The following TENM2 variants were observed in gnomAD, a reference collection of about 807,000 sequenced individuals.
The protein encoded by TENM2 is teneurin-2.
TENM2 carries 52 observed loss-of-function variants against 245.2 expected under a neutral mutation model. The observed-to-expected ratio is 0.21, with a 90% CI of 0.17 to 0.27. The LOEUF is 0.27. Ranked by LOEUF, TENM2 falls within the 10% of genes least tolerant of loss-of-function variation. The pLI, the probability that TENM2 is intolerant of heterozygous loss-of-function variation, is 1.00. For missense variants in TENM2, 3,046 were observed against 3,666.8 expected (o/e 0.83, Z 4.37); for synonymous variants, 1,363 against 1,438.9 (o/e 0.95, Z 1.19).
intron 17 of TENM2, among the ~76,000 whole-genome samples, chr5:168,200,527 TGACA>T (rs1761847310): frequency 6.6e-6 from 1 of 152,138 alleles, no homozygotes; most frequent in Non-Finnish European, 1.5e-5. Context: ...AGGGTGTGTT[TGACA>T]GACAGAGAGA....
chr5:167,222,095 G>T, the TENM2 span, among the ~76,000 whole-genome samples: 20 of 152,050 alleles, frequency 1.3e-4, no homozygotes, highest in African/African-American at 4.8e-4. Flanking sequence ...GAAAAAAATT[G>T]GCCCAGCTGA....
chr5:168,122,262 C>T (rs1301890791), intron 10 of TENM2, among the ~76,000 whole-genome samples: 1 of 152,210 alleles, frequency 6.6e-6, no homozygotes, highest in African/African-American at 2.4e-5. Context: ...CTGCAAGCTC[C>T]GCCTCCCGGG....
At position 167,665,488 on chromosome 5, in the gene TENM2, G is replaced by A. The variant is rs564573652; in HGVS notation, c.503-210498G>A. On this transcript the variant is annotated intron_variant, in intron 2 of 28. Transcript: ENST00000518659. The stretch of plus-strand genomic sequence containing the variant: ...ACTGTGAAAGAATTTTAAATTTTAT[G>A]GATTCCAGTATGTACTAAATAAATC... Among the ~76,000 whole-genome samples the A allele has an allele frequency of 4.0e-4, 61 of 152,098 alleles. 1 individual carries two copies. Among genetic ancestry groups the A allele is most frequent in the African/African-American group, 1.5e-3 (61 of 41,502 alleles).
intron 17 of TENM2, among the ~76,000 whole-genome samples, chr5:168,203,044 T>C (rs770748265): frequency 6.6e-6 from 1 of 152,190 alleles, no homozygotes; most frequent in Non-Finnish European, 1.5e-5. Flanking sequence ...TCCACCTCTC[T>C]CTCCCATTTG....
At chr5:167,450,625 T>G (rs1765519017) in intron 2 of TENM2, among the ~76,000 whole-genome samples, 1 of 152,184 alleles carries the variant, frequency 6.6e-6, no homozygotes, top group Admixed American at 6.5e-5. Context: ...TCTAAGTTAG[T>G]TAATATTTAA....
At chr5:167,074,507 T>G in the TENM2 span, among the ~76,000 whole-genome samples, 2 of 152,200 alleles carry the variant, frequency 1.3e-5, no homozygotes, top group Non-Finnish European at 2.9e-5. Context: ...ATATAATTCC[T>G]GAATGGGAAT....
chr5:168,260,377 T>C (rs779955141), exon 28 of TENM2: 2 of 1,613,968 alleles, frequency 1.2e-6, no homozygotes, highest in Non-Finnish European at 8.5e-7. Context: ...CTCCTCCCTA[T>C]GAATTGTCAG....
the TENM2 span, among the ~76,000 whole-genome samples, chr5:166,995,659 T>C: frequency 4.6e-5 from 7 of 151,174 alleles, no homozygotes; most frequent in Admixed American, 3.3e-4. Flanking sequence ...CTACTAAAAA[T>C]ACAAAAATTA....
At chr5:167,438,689 A>G (rs1349862196) in intron 2 of TENM2, among the ~76,000 whole-genome samples, 2 of 152,198 alleles carry the variant, frequency 1.3e-5, no homozygotes, top group Admixed American at 6.5e-5. Context: ...GAGCCACCGC[A>G]TCTGGCCTGA....
chr5:167,040,125 C>A, the TENM2 span, among the ~76,000 whole-genome samples: 5 of 152,144 alleles, frequency 3.3e-5, no homozygotes, highest in East Asian at 9.9e-4. Flanking sequence ...TATCAAAAAT[C>A]AAATCTCCTC....
At chr5:167,677,241 AT>A (rs1417670153) in intron 2 of TENM2, among the ~76,000 whole-genome samples, 1 of 152,070 alleles carries the variant, frequency 6.6e-6, no homozygotes, top group Non-Finnish European at 1.5e-5. Context: ...GATAAGCAAA[AT>A]TTTACCAAAC....
chr5:167,554,706 A>G (rs1183568677), intron 2 of TENM2, among the ~76,000 whole-genome samples: 1 of 152,214 alleles, frequency 6.6e-6, no homozygotes, highest in Non-Finnish European at 1.5e-5. Flanking sequence ...GCTGGTACAC[A>G]GAGGGGCTGG....
the TENM2 span, among the ~76,000 whole-genome samples, chr5:167,115,303 A>G: frequency 6.6e-6 from 1 of 152,262 alleles, no homozygotes; most frequent in African/African-American, 2.4e-5. Flanking sequence ...TTCAGCTTTA[A>G]AAAAATATTC....
the TENM2 span, among the ~76,000 whole-genome samples, chr5:167,128,588 C>A: frequency 6.6e-6 from 1 of 151,734 alleles, no homozygotes; most frequent in East Asian, 1.9e-4. Flanking sequence ...CCTCTTTCAC[C>A]TGAAAAGTTA....
intron 1 of TENM2, among the ~76,000 whole-genome samples, chr5:167,370,576 T>G (rs1760356522): frequency 6.6e-6 from 1 of 152,220 alleles, no homozygotes; most frequent in Non-Finnish European, 1.5e-5. Flanking sequence ...CATGTAATCG[T>G]TTATCTATAA....
At chr5:167,392,400 C>T (rs1408462019) in intron 2 of TENM2, among the ~76,000 whole-genome samples, 6 of 152,102 alleles carry the variant, frequency 3.9e-5, no homozygotes. Context: ...TGGTCTCCCC[C>T]AGTGCAGGTC....
At chr5:167,744,479 G>T (rs1394270226) in intron 2 of TENM2, among the ~76,000 whole-genome samples, 4 of 152,168 alleles carry the variant, frequency 2.6e-5, no homozygotes, top group African/African-American at 9.7e-5. Context: ...CACCTTAGAA[G>T]TGACAAGTTC....
At chr5:167,866,119 T>G (rs142919539) in intron 2 of TENM2, among the ~76,000 whole-genome samples, 1 of 152,334 alleles carries the variant, frequency 6.6e-6, no homozygotes, top group East Asian at 1.9e-4. Context: ...ATGTCCTGGG[T>G]ACCAGTGAGT....
the TENM2 span, among the ~76,000 whole-genome samples, chr5:166,989,074 G>A: frequency 6.6e-6 from 1 of 151,484 alleles, no homozygotes; most frequent in African/African-American, 2.4e-5. Flanking sequence ...AAACAGATTA[G>A]ATTTTTTTTT....
Sources: gnomAD v4.1 joint callset for allele counts (sites outside exome capture counted in the v4.1 genomes callset) on GRCh38, gnomAD v4.1.1 for gene constraint, MANE v1.5 for transcripts, NCBI Gene and HGNC (gene_info 2026-07-23, HGNC 2026-07-21) for gene names.